The following SEMA3E variants were observed in gnomAD, a reference collection of about 807,000 sequenced individuals.
SEMA3E encodes the protein semaphorin-3E.
A neutral mutation model predicts 93.6 loss-of-function variants in SEMA3E; 49 were observed. The observed-to-expected ratio is 0.52, with a 90% confidence interval of 0.42 to 0.66. The LOEUF is 0.66. SEMA3E is among the 30% of genes least tolerant of loss of function. SEMA3E has a pLI of 0.00. For synonymous variants in SEMA3E, 363 were observed against 330.7 expected (o/e 1.10, Z -1.06); for missense variants, 906 against 964.8 (o/e 0.94, Z 0.81).
At chr7:83,380,932 T>C (rs1050769600) in intron 16 of SEMA3E, among the ~76,000 whole-genome samples, 9 of 151,962 alleles carry the variant, frequency 5.9e-5, no homozygotes, top group African/African-American at 1.9e-4. Flanking sequence ...GCAAAGCACA[T>C]TGCTACAATG....
At chr7:83,406,464 A>G (rs1788331904) in intron 7 of SEMA3E, among the ~76,000 whole-genome samples, 1 of 152,010 alleles carries the variant, frequency 6.6e-6, no homozygotes, top group African/African-American at 2.4e-5. Context: ...GCTTTTCAAG[A>G]AAGTTTGAAA....
chr7:83,472,489 T>C (rs372449999), intron 2 of SEMA3E, among the ~76,000 whole-genome samples: 9 of 152,272 alleles, frequency 5.9e-5, no homozygotes, highest in African/African-American at 7.2e-5. Flanking sequence ...AGTCTCCTAC[T>C]TAATATTGTT....
chr7:83,517,270 A>C (rs1790948608), intron 1 of SEMA3E, among the ~76,000 whole-genome samples: 1 of 152,180 alleles, frequency 6.6e-6, no homozygotes, highest in Admixed American at 6.5e-5. Context: ...TACACACTCC[A>C]TTCTCCAAAT....
chr7:83,578,316 G>A (rs751791255), intron 1 of SEMA3E, among the ~76,000 whole-genome samples: 14 of 152,194 alleles, frequency 9.2e-5, no homozygotes, highest in South Asian at 2.1e-4. Context: ...CAGCACTTTG[G>A]GAGGCCGTGG....
intron 1 of SEMA3E, among the ~76,000 whole-genome samples, chr7:83,571,037 A>T (rs1466504301): frequency 2.0e-5 from 3 of 151,612 alleles, no homozygotes; most frequent in African/African-American, 4.8e-5. Context: ...TGAAAAGACC[A>T]ATAACAAGTT....
intron 1 of SEMA3E, among the ~76,000 whole-genome samples, chr7:83,527,723 T>TGAA (rs1417626687): frequency 6.6e-6 from 1 of 152,020 alleles, no homozygotes; most frequent in East Asian, 1.9e-4. Flanking sequence ...AGCATTTTCA[T>TGAA]GAAGTATTTT....
intron 1 of SEMA3E, among the ~76,000 whole-genome samples, chr7:83,517,103 C>T (rs889618932): frequency 3.9e-5 from 6 of 152,116 alleles, no homozygotes; most frequent in Admixed American, 2.0e-4. Context: ...TATACCAAGT[C>T]GACCTTACTC....
At chr7:83,444,845 A>G (rs1789192118) in intron 4 of SEMA3E, among the ~76,000 whole-genome samples, 1 of 151,960 alleles carries the variant, frequency 6.6e-6, no homozygotes, top group African/African-American at 2.4e-5. Flanking sequence ...TAATTTTTGT[A>G]TTTTTAGTAG....
chr7:83,545,563 A>AAAAAG (rs1562826992), intron 1 of SEMA3E, among the ~76,000 whole-genome samples: 2 of 125,468 alleles, frequency 1.6e-5, no homozygotes, highest in East Asian at 2.4e-4. Flanking sequence ...AAAAAAAAAA[A>AAAAAG]AAAAAAGAAA....
intron 16 of SEMA3E, among the ~76,000 whole-genome samples, chr7:83,377,286 A>T (rs2116905054): frequency 6.6e-6 from 1 of 152,126 alleles, no homozygotes; most frequent in South Asian, 2.1e-4. Context: ...AAATAGAGGC[A>T]TTTTTCACAA....
intron 1 of SEMA3E, among the ~76,000 whole-genome samples, chr7:83,633,744 C>T (rs1793830124): frequency 6.6e-6 from 1 of 151,886 alleles, no homozygotes. Flanking sequence ...GCAGTAGCAG[C>T]TGGGCCTATT....
intron 11 of SEMA3E, among the ~76,000 whole-genome samples, chr7:83,398,426 T>C (rs1461273827): frequency 6.6e-6 from 1 of 152,206 alleles, no homozygotes; most frequent in Non-Finnish European, 1.5e-5. Flanking sequence ...GTATTGATTA[T>C]GCAACTTTTA....
At chr7:83,512,562 GA>G (rs879422317) in intron 1 of SEMA3E, among the ~76,000 whole-genome samples, 2 of 151,720 alleles carry the variant, frequency 1.3e-5, no homozygotes, top group Non-Finnish European at 1.5e-5. Flanking sequence ...GGAAGAAACA[GA>G]AAAAAAAGTC....
intron 1 of SEMA3E, among the ~76,000 whole-genome samples, chr7:83,617,125 A>C (rs1225498974): frequency 6.6e-6 from 1 of 152,138 alleles, no homozygotes; most frequent in Non-Finnish European, 1.5e-5. Flanking sequence ...GAAAACACAA[A>C]GTGAAAAATG....
chr7:83,419,966 A>C (rs1788640170), intron 4 of SEMA3E, among the ~76,000 whole-genome samples: 1 of 152,184 alleles, frequency 6.6e-6, no homozygotes, highest in African/African-American at 2.4e-5. Context: ...AGTCTTAGCA[A>C]CAGCAATCAG....
At chr7:83,522,724 T>C (rs996735993) in intron 1 of SEMA3E, among the ~76,000 whole-genome samples, 10 of 152,106 alleles carry the variant, frequency 6.6e-5, no homozygotes, top group Non-Finnish European at 1.3e-4. Context: ...AAATAGCAAT[T>C]GTTAAATGTT....
chr7:83,536,596 A>G (rs1199355385), intron 1 of SEMA3E, among the ~76,000 whole-genome samples: 1 of 152,144 alleles, frequency 6.6e-6, no homozygotes, highest in Admixed American at 6.6e-5. Flanking sequence ...TAAAAATCAG[A>G]TATATTGAGA....
chr7:83,402,511 G>A, intron 10 of SEMA3E, 121 bp downstream of exon 10: 2 of 833,728 alleles, frequency 2.4e-6, no homozygotes, highest in Non-Finnish European at 3.9e-6. Flanking sequence ...TTTTCACCAA[G>A]CATACTTTTA....
chr7:83,647,909 T>G (rs1388625667), intron 1 of SEMA3E, among the ~76,000 whole-genome samples: 1 of 152,206 alleles, frequency 6.6e-6, no homozygotes, highest in Non-Finnish European at 1.5e-5. Flanking sequence ...ATGATGACAG[T>G]TATGGGTAGG....
Sources: allele counts gnomAD v4.1 joint callset (sites outside exome capture counted in the v4.1 genomes callset), GRCh38; gene constraint gnomAD v4.1.1; transcripts MANE v1.5; gene names NCBI Gene and HGNC (gene_info 2026-07-23, HGNC 2026-07-21).